Variants in CLASP2 observed in about 807,000 individuals in gnomAD.
CLASP2 encodes CLIP-associating protein 2.
CLASP2 carries 47 observed loss-of-function variants against 194.4 expected under a neutral mutation model. The ratio of observed to expected loss-of-function variants is 0.24; its 90% CI spans 0.19 to 0.31. CLASP2 has a LOEUF of 0.31. Among genes scored for constraint, CLASP2 ranks in the 10% least tolerant of loss-of-function variants. The pLI is 1.00. For missense variants in CLASP2, 1,445 were observed against 1,823.6 expected, an observed-to-expected ratio of 0.79 and a Z score of 3.78; for synonymous variants, 619 against 633.5, an observed-to-expected ratio of 0.98 and a Z score of 0.34.
intron 6 of CLASP2, among the ~76,000 whole-genome samples, chr3:33,664,704 C>A (rs2085876810): frequency 6.6e-6 from 1 of 152,138 alleles, no homozygotes; most frequent in South Asian, 2.1e-4. Context: ...CTTTATCCTA[C>A]AGAGTAGTAT....
intron 6 of CLASP2, among the ~76,000 whole-genome samples, chr3:33,669,704 C>T (rs976950461): frequency 1.3e-5 from 2 of 151,900 alleles, no homozygotes. Context: ...ATGCATGTTA[C>T]AACTGCAATG....
At chr3:33,615,189 G>T (rs1425287369) in intron 12 of CLASP2, among the ~76,000 whole-genome samples, 2 of 151,496 alleles carry the variant, frequency 1.3e-5, no homozygotes, top group Admixed American at 1.3e-4. Context: ...CCAATAAATG[G>T]GTCAGAAATA....
chr3:33,538,123 A>G (rs1052732861), intron 33 of CLASP2, among the ~76,000 whole-genome samples: 1 of 147,312 alleles, frequency 6.8e-6, no homozygotes, highest in African/African-American at 2.6e-5. Flanking sequence ...CCTGGGCGAC[A>G]GAGCGAGACT....
intron 12 of CLASP2, among the ~76,000 whole-genome samples, chr3:33,612,918 GTTGA>G (rs1054336554): frequency 2.6e-5 from 4 of 152,120 alleles, no homozygotes; most frequent in Admixed American, 1.3e-4. Flanking sequence ...GTGAAAAGGG[GTTGA>G]TTAATAGGTA....
At chr3:33,540,070 A>G (rs2058081446) in intron 32 of CLASP2, among the ~76,000 whole-genome samples, 1 of 151,746 alleles carries the variant, frequency 6.6e-6, no homozygotes, top group African/African-American at 2.4e-5. Context: ...CTGGGATTAC[A>G]GGCTCCTGCC....
At chr3:33,586,919 G>T (rs549655527) in intron 21 of CLASP2, among the ~76,000 whole-genome samples, 18 of 152,022 alleles carry the variant, frequency 1.2e-4, no homozygotes, top group Admixed American at 4.6e-4. Flanking sequence ...TGATCAAGAG[G>T]GGGGGTGCCT....
At chr3:33,589,570 C>T (rs1165154864) in intron 21 of CLASP2, among the ~76,000 whole-genome samples, 1 of 151,974 alleles carries the variant, frequency 6.6e-6, no homozygotes. Flanking sequence ...AATAAGCAAG[C>T]AAACAAACAA....
intron 9 of CLASP2, among the ~76,000 whole-genome samples, chr3:33,629,606 A>G (rs1000756501): frequency 3.9e-5 from 6 of 152,200 alleles, no homozygotes; most frequent in African/African-American, 1.4e-4. Context: ...TCACAGAAAC[A>G]TAGTAAGCAT....
At chr3:33,579,128 C>A (rs907140815) in intron 23 of CLASP2, among the ~76,000 whole-genome samples, 1 of 152,174 alleles carries the variant, frequency 6.6e-6, no homozygotes, top group Non-Finnish European at 1.5e-5. Flanking sequence ...ATGCAGTACC[C>A]ATATGTAAAT....
At chr3:33,639,305 A>C (rs939200355) in intron 8 of CLASP2, among the ~76,000 whole-genome samples, 4 of 151,930 alleles carry the variant, frequency 2.6e-5, no homozygotes, top group Non-Finnish European at 5.9e-5. Context: ...CAACCCACCC[A>C]CCTCCATCTC....
At chr3:33,506,939 T>C (rs1483336321) in intron 37 of CLASP2, among the ~76,000 whole-genome samples, 1 of 132,892 alleles carries the variant, frequency 7.5e-6, no homozygotes, top group Admixed American at 8.9e-5. Context: ...TTGATTAGAT[T>C]CTTTTTTTTT....
In CLASP2 at chr3:33,507,797, C is replaced by T. The variant is rs138271293; in HGVS notation, c.4317+2761G>A. ...CCAAGCCAGGCAAGAAAACTTTTGT[C>T]TAGTTGTCCCACCTTCAGTGATGTT... On this transcript the variant is annotated intron_variant, in intron 37 of 38. Coordinates refer to ENST00000682230, the MANE Select transcript of CLASP2 (RefSeq NM_001365631.1). 5.9e-3 allele frequency among the ~76,000 whole-genome samples: 901 copies of T among 151,770 alleles called. 4 individuals are homozygous for T. The highest frequency in any genetic ancestry group is 8.7e-3 in the Non-Finnish European group (593 of 67,846).
intron 37 of CLASP2, 165 bp from the exon 38 acceptor site, chr3:33,501,933 C>T (rs1452724338): frequency 1.8e-6 from 1 of 561,236 alleles, no homozygotes; most frequent in African/African-American, 1.9e-5. Context: ...ATAGACAATG[C>T]CCTTCTCTCC....
chr3:33,718,204 T>G lies in CLASP2; in HGVS notation c.-202A>C. 1.5e-5 allele frequency: 5 copies of G among 336,958 alleles called. No individual in the cohort carries two copies. Among genetic ancestry groups the G allele is most frequent in the East Asian group, 5.2e-5 (1 of 19,152 alleles). The allele number at this position is 336,958 out of a possible 1,614,324, so 20.9% of individuals were successfully genotyped here. ...ACTAGTCAAACTCGGCGCCCCCCGA[T>G]CCCCAGCCCGCTTCAGAGGCCGCGG... On this transcript the variant is annotated 5_prime_UTR_variant, in exon 1 of 39. Transcript: ENST00000682230.
intron 6 of CLASP2, among the ~76,000 whole-genome samples, chr3:33,671,718 A>G (rs1200872204): frequency 1.3e-5 from 2 of 152,234 alleles, no homozygotes; most frequent in Non-Finnish European, 2.9e-5. Context: ...TGGCACCTGG[A>G]AAATCGGGTC....
At chr3:33,699,454 T>TA (rs1425725666) in intron 1 of CLASP2, among the ~76,000 whole-genome samples, 2 of 151,936 alleles carry the variant, frequency 1.3e-5, no homozygotes, top group African/African-American at 2.4e-5. Flanking sequence ...AGAAAAATCT[T>TA]AAAGTCAATG....
chr3:33,717,644 C>G (rs2093359844), intron 1 of CLASP2, among the ~76,000 whole-genome samples, 164 bp downstream of exon 1: 1 of 152,180 alleles, frequency 6.6e-6, no homozygotes, highest in African/African-American at 2.4e-5. Flanking sequence ...TCAGGCTGGT[C>G]TCGAACTCCT....
At chr3:33,624,474 C>A (rs1371699197) in intron 10 of CLASP2, among the ~76,000 whole-genome samples, 1 of 152,012 alleles carries the variant, frequency 6.6e-6, no homozygotes, top group Non-Finnish European at 1.5e-5. Context: ...CAAAGAACGA[C>A]AATAAAATAA....
chr3:33,508,034 A>G (rs1476201541), intron 37 of CLASP2, among the ~76,000 whole-genome samples: 1 of 151,448 alleles, frequency 6.6e-6, no homozygotes, highest in Admixed American at 6.6e-5. Context: ...TTGCTTAGTC[A>G]CCCAGGCTGG....
Sources: gnomAD v4.1 joint callset for allele counts (sites outside exome capture counted in the v4.1 genomes callset) on GRCh38, gnomAD v4.1.1 for gene constraint, MANE v1.5 for transcripts, NCBI Gene and HGNC (gene_info 2026-07-23, HGNC 2026-07-21) for gene names.